Variants in PDXDC1 observed in about 807,000 individuals in gnomAD.
PDXDC1 encodes the protein pyridoxal-dependent decarboxylase domain-containing protein 1.
In PDXDC1, 42 loss-of-function variants were observed where a neutral mutation model predicts 100.1. That is an observed-to-expected ratio of 0.42 (90% CI 0.33 to 0.54). PDXDC1 has a LOEUF of 0.54. Among genes scored for constraint, PDXDC1 ranks in the 20% least tolerant of loss-of-function variants. The pLI is 0.10. For missense variants in PDXDC1, 636 were observed against 979.2 expected (o/e 0.65, Z 4.68); for synonymous variants, 260 against 371.7 (o/e 0.70, Z 3.46).
At chr16:15,020,292 C>T (rs1226946239) in intron 12 of PDXDC1, among the ~76,000 whole-genome samples, 3 of 152,278 alleles carry the variant, frequency 2.0e-5, no homozygotes, top group Admixed American at 2.0e-4. Flanking sequence ...AGAGCTCTTG[C>T]AGTAGTGTCT....
chr16:15,100,521 G>A (rs760325596), intron 16 of PDXDC1, among the ~76,000 whole-genome samples: 1 of 152,178 alleles, frequency 6.6e-6, no homozygotes, highest in Non-Finnish European at 1.5e-5. Context: ...GTTGGGTGGG[G>A]AGGAGGCTGT....
chr16:15,064,198 C>G (rs1387754007), intron 16 of PDXDC1, among the ~76,000 whole-genome samples: 1 of 151,660 alleles, frequency 6.6e-6, no homozygotes. Context: ...TTTTCTGAGA[C>G]AGAGTCTCAC....
Position 15,133,401 on chromosome 16 carries a change from C to G in PDXDC1, c.1400-5478C>G, listed in dbSNP as rs369346205. The G allele has an allele frequency of 5.2e-5, 57 of 1,094,390 alleles. 1 individual carries two copies. The highest frequency in any genetic ancestry group is 3.1e-4 in the South Asian group (24 of 77,982). 67.8% of individuals were successfully genotyped at this position (1,094,390 alleles called of 1,614,324 possible). A position where few individuals can be genotyped will look rare whatever the true frequency, so the allele number is the denominator to read the frequency against. ...AGCCCCATTGCGCTGCCGTTGGGCTCTGGGAGGGTGATGGCCAGAGACCTA... is the reference window on the plus strand; with the variant it reads ...AGCCCCATTGCGCTGCCGTTGGGCTGTGGGAGGGTGATGGCCAGAGACCTA... On this transcript the variant is annotated intron_variant, in intron 16 of 16. Transcript: ENST00000535621.
intron 16 of PDXDC1, chr16:15,060,007 A>C (rs989634709): frequency 1.7e-5 from 3 of 177,266 alleles, no homozygotes; most frequent in Admixed American, 1.3e-4. Context: ...TAAAAAAAAA[A>C]AAACAAAACA....
Position 15,038,031 on chromosome 16 carries a change from T to C in PDXDC1, c.*1756T>C. The stretch of plus-strand genomic sequence containing the variant: ...TGCTTTCTTTGGTAATTCATGTTTT[T>C]TAACTTCCTGGAGAAGAGATCTTTT... On this transcript the variant is annotated 3_prime_UTR_variant, in exon 23 of 23. Coordinates refer to ENST00000396410, the MANE Select transcript of PDXDC1 (RefSeq NM_015027.4). 6.2e-7 allele frequency: 1 copy of C among 1,609,426 alleles called. No individual in the cohort carries two copies.
intron 16 of PDXDC1, among the ~76,000 whole-genome samples, chr16:15,081,890 A>C (rs543077803): frequency 2.0e-5 from 3 of 152,332 alleles, no homozygotes; most frequent in Non-Finnish European, 4.4e-5. Flanking sequence ...CACTTCTGCC[A>C]GCAGCATTTG....
chr16:15,047,888 T>G, intron 16 of PDXDC1: 2 of 1,613,750 alleles, frequency 1.2e-6, no homozygotes, highest in Non-Finnish European at 1.7e-6. Flanking sequence ...TGACAAGTAG[T>G]GGCATCATCA....
intron 16 of PDXDC1, among the ~76,000 whole-genome samples, chr16:15,076,888 T>C (rs2045479470): frequency 6.6e-6 from 1 of 152,110 alleles, no homozygotes; most frequent in Non-Finnish European, 1.5e-5. Context: ...AATCGACAAC[T>C]ATCACATGAT....
intron 16 of PDXDC1, chr16:15,065,472 T>G: frequency 1.1e-6 from 1 of 928,318 alleles, no homozygotes; most frequent in Non-Finnish European, 1.6e-6. Context: ...CACAGAGAAA[T>G]TGCTGAATAT....
intron 15 of PDXDC1, chr16:15,029,174 C>T (rs1327935308): frequency 4.6e-6 from 3 of 650,472 alleles, no homozygotes; most frequent in Non-Finnish European, 2.7e-6. Flanking sequence ...TCTGGCATTG[C>T]TCCCTCACTT....
At chr16:15,085,607 T>C in intron 16 of PDXDC1, 2 of 1,604,664 alleles carry the variant, frequency 1.2e-6, no homozygotes, top group Non-Finnish European at 1.7e-6. Context: ...TGAAAGCTAC[T>C]GTGCCCAGGC....
At chr16:15,110,484 T>C in intron 16 of PDXDC1, 2 of 1,587,634 alleles carry the variant, frequency 1.3e-6, no homozygotes, top group South Asian at 1.1e-5. Flanking sequence ...ACCTTCATCT[T>C]ACGGATTTTA....
intron 11 of PDXDC1, 43 bp downstream of exon 11, chr16:15,017,465 C>G (rs751817351): frequency 1.9e-6 from 3 of 1,554,212 alleles, no homozygotes; most frequent in Non-Finnish European, 2.7e-6. Flanking sequence ...GTGGCTAATA[C>G]ACATTATTGG....
rs1291421413 is a variant in PDXDC1, at chr16:15,027,581, C to T, written c.1204+875C>T. 5.9e-5 allele frequency among the ~76,000 whole-genome samples: 9 copies of T among 152,294 alleles called. No homozygotes were observed. In the East Asian group the frequency reaches 7.7e-4, roughly 13 times the overall value. On this transcript the variant is annotated intron_variant, in intron 14 of 22. Transcript: ENST00000396410. Reference sequence around the variant, plus strand: ...GTTTTATTGAATGAAAGTAGCTCTCCGCTGATGGGGGAGCCAGAAGGGAGA... The same window carrying T: ...GTTTTATTGAATGAAAGTAGCTCTCTGCTGATGGGGGAGCCAGAAGGGAGA...
the PDXDC1 span, among the ~76,000 whole-genome samples, chr16:15,144,961 A>C: frequency 6.6e-6 from 1 of 152,268 alleles, no homozygotes; most frequent in South Asian, 2.1e-4. Context: ...CCCTGCACAC[A>C]GCTGACATGG....
At chr16:15,052,892 C>G (rs1412169349) in intron 16 of PDXDC1, among the ~76,000 whole-genome samples, 2 of 152,098 alleles carry the variant, frequency 1.3e-5, no homozygotes, top group Non-Finnish European at 2.9e-5. Context: ...ATCTTGTAGA[C>G]TCTGTGGAAC....
chr16:15,076,484 A>G, intron 16 of PDXDC1: 1 of 1,009,332 alleles, frequency 9.9e-7, no homozygotes, highest in Non-Finnish European at 1.6e-6. Flanking sequence ...AAGCCTTAAC[A>G]AAGATGAGCA....
chr16:15,008,671 G>T (rs1324342287), intron 6 of PDXDC1, 108 bp from the exon 7 acceptor site: 20 of 1,030,032 alleles, frequency 1.9e-5, no homozygotes, highest in Admixed American at 7.1e-5. Context: ...TAAGGAGAGA[G>T]ATTTCTTAGA....
chr16:15,051,717 T>A (rs1263165275), intron 16 of PDXDC1, among the ~76,000 whole-genome samples: 8 of 134,538 alleles, frequency 5.9e-5, no homozygotes, highest in Non-Finnish European at 1.1e-4. Context: ...TTTTTTTTTT[T>A]AGAGACAAGG....
Sources: allele counts gnomAD v4.1 joint callset (sites outside exome capture counted in the v4.1 genomes callset), GRCh38; gene constraint gnomAD v4.1.1; transcripts MANE v1.5; gene names NCBI Gene and HGNC (gene_info 2026-07-23, HGNC 2026-07-21).